Variants in CTNNA3 observed in about 807,000 individuals in gnomAD.
The protein encoded by CTNNA3 is catenin alpha 3.
A neutral mutation model predicts 95.7 loss-of-function variants in CTNNA3; 76 were observed. That is an observed-to-expected ratio of 0.79 (90% CI 0.66 to 0.96). The LOEUF (loss-of-function observed/expected upper bound fraction) is 0.96. CTNNA3 is among the 40% of genes least tolerant of loss of function. The pLI is 0.00. For missense variants in CTNNA3, 1,191 were observed against 1,089.8 expected (o/e 1.09, Z -1.31); for synonymous variants, 431 against 374.4 (o/e 1.15, Z -1.74).
intron 5 of CTNNA3, among the ~76,000 whole-genome samples, chr10:67,267,346 T>C (rs1866872057): frequency 6.6e-6 from 1 of 152,184 alleles, no homozygotes; most frequent in Non-Finnish European, 1.5e-5. Flanking sequence ...GTAAAAGCGA[T>C]ATGAAAATTA....
intron 3 of CTNNA3, among the ~76,000 whole-genome samples, chr10:67,568,921 A>G (rs1168632032): frequency 6.6e-6 from 1 of 152,108 alleles, no homozygotes; most frequent in African/African-American, 2.4e-5. Context: ...TAACTTAACA[A>G]TGTCCTTAGA....
At chr10:66,266,111 G>GGAAGGAAGGAAA (rs1156861705) in intron 13 of CTNNA3, among the ~76,000 whole-genome samples, 2 of 146,632 alleles carry the variant, frequency 1.4e-5, no homozygotes, top group Admixed American at 6.8e-5. Context: ...GAGGGAGGAA[G>GGAAGGAAGGAAA]GAAGGAAGGA....
chr10:67,294,968 G>C (rs1292818526), intron 5 of CTNNA3, among the ~76,000 whole-genome samples: 2 of 152,004 alleles, frequency 1.3e-5, no homozygotes, highest in Non-Finnish European at 2.9e-5. Context: ...TAGCAGTATT[G>C]GTAAAAAGTG....
intron 12 of CTNNA3, among the ~76,000 whole-genome samples, chr10:66,311,948 T>A (rs554494255): frequency 1.3e-5 from 2 of 152,280 alleles, no homozygotes; most frequent in East Asian, 3.9e-4. Context: ...GCTACTTGAA[T>A]AATAGAAGGT....
chr10:66,853,601 G>GA (rs1157834272), intron 7 of CTNNA3, among the ~76,000 whole-genome samples: 2 of 152,154 alleles, frequency 1.3e-5, no homozygotes, highest in East Asian at 3.9e-4. Flanking sequence ...CCGTTGGTCA[G>GA]AAAAAACTCA....
chr10:67,105,709 A>C (rs536028333), intron 7 of CTNNA3, among the ~76,000 whole-genome samples: 65 of 152,304 alleles, frequency 4.3e-4, no homozygotes, highest in African/African-American at 1.5e-3. Flanking sequence ...TATGATTTTT[A>C]AAGTCCTCTC....
chr10:66,996,329 T>C (rs1851336126), intron 7 of CTNNA3, among the ~76,000 whole-genome samples: 3 of 152,120 alleles, frequency 2.0e-5, no homozygotes, highest in Non-Finnish European at 4.4e-5. Context: ...CATTAATATA[T>C]CTCAAAGATA....
In CTNNA3 at chr10:67,064,280, G is replaced by A. The variant is rs1054784699; in HGVS notation, c.1047+116037C>T. ...TTACTGAGTCTGCTGTGTGTCTGAAGCTACACTATGTATTAGCATTCTTGT... is the reference window on the plus strand; with the variant it reads ...TTACTGAGTCTGCTGTGTGTCTGAAACTACACTATGTATTAGCATTCTTGT... On this transcript the variant is annotated intron_variant, in intron 7 of 17. Transcript: ENST00000433211. Among the ~76,000 whole-genome samples, 14 of 152,148 alleles carry A rather than the reference G, an allele frequency of 9.2e-5. No homozygotes were observed. The South Asian group carries it at 2.9e-3, about 32-fold the overall frequency.
intron 15 of CTNNA3, among the ~76,000 whole-genome samples, chr10:66,049,039 C>T (rs1177358302): frequency 6.6e-6 from 1 of 152,090 alleles, no homozygotes; most frequent in Non-Finnish European, 1.5e-5. Context: ...GCAAACTATA[C>T]ATCTGACAAA....
intron 9 of CTNNA3, among the ~76,000 whole-genome samples, chr10:66,754,588 ATG>A: frequency 6.6e-6 from 1 of 152,176 alleles, no homozygotes; most frequent in East Asian, 1.9e-4. Context: ...AACCCACAGC[ATG>A]GAAGAAAAAT....
At chr10:67,209,141 T>A (rs1464224097) in intron 6 of CTNNA3, among the ~76,000 whole-genome samples, 1 of 152,126 alleles carries the variant, frequency 6.6e-6, no homozygotes, top group Non-Finnish European at 1.5e-5. Context: ...CTCTGCCTCC[T>A]GAGTTCCAGA....
At chr10:67,718,133 T>G (rs1307815460) in intron 1 of CTNNA3, among the ~76,000 whole-genome samples, 1 of 152,226 alleles carries the variant, frequency 6.6e-6, no homozygotes, top group African/African-American at 2.4e-5. Flanking sequence ...TATTGGTGTA[T>G]AGAAATGCTT....
chr10:66,070,509 A>C (rs1369822913), intron 14 of CTNNA3, among the ~76,000 whole-genome samples: 1 of 152,172 alleles, frequency 6.6e-6, no homozygotes, highest in Non-Finnish European at 1.5e-5. Context: ...TTCTCTTTAC[A>C]TTCTGTATCT....
intron 13 of CTNNA3, among the ~76,000 whole-genome samples, chr10:66,264,824 G>A (rs1355860043): frequency 6.6e-6 from 1 of 151,862 alleles, no homozygotes; most frequent in Non-Finnish European, 1.5e-5. Flanking sequence ...CTATGGATTG[G>A]TGAGAACTGA....
intron 10 of CTNNA3, among the ~76,000 whole-genome samples, chr10:66,572,618 A>T (rs1211798664): frequency 6.6e-6 from 1 of 152,112 alleles, no homozygotes; most frequent in Non-Finnish European, 1.5e-5. Flanking sequence ...TGAGTGAGAA[A>T]TTCTAAGTTT....
intron 9 of CTNNA3, among the ~76,000 whole-genome samples, chr10:66,682,531 AC>A (rs1173016611): frequency 4.6e-5 from 7 of 152,066 alleles, no homozygotes; most frequent in Non-Finnish European, 7.4e-5. Flanking sequence ...TGGTACACAA[AC>A]AACAAATCAA....
intron 13 of CTNNA3, among the ~76,000 whole-genome samples, chr10:66,268,275 C>CTT (rs1007300719): frequency 3.9e-5 from 6 of 152,100 alleles, no homozygotes; most frequent in African/African-American, 1.4e-4. Context: ...ATCCGGGAGG[C>CTT]TTTTAACTTG....
Position 66,153,785 on chromosome 10 carries a change from C to T in CTNNA3, c.1885-50536G>A, listed in dbSNP as rs78884197. ...CTAAAAAATGAAAACGTATCCTATGCTGGTCCTGTCTTCCAAGTTTTGTAT... is the reference window on the plus strand; with the variant it reads ...CTAAAAAATGAAAACGTATCCTATGTTGGTCCTGTCTTCCAAGTTTTGTAT... On this transcript the variant is annotated intron_variant, in intron 13 of 17. Transcript: ENST00000433211. 8.4e-3 allele frequency among the ~76,000 whole-genome samples: 1,270 copies of T among 151,800 alleles called. 29 individuals are homozygous for T. Among genetic ancestry groups the T allele is most frequent in the African/African-American group, 0.029 (1,182 of 41,432 alleles).
rs926810292 is a variant in CTNNA3 at position 67,568,992 on chromosome 10, G to A, written c.293-29323C>T. On this transcript the variant is annotated intron_variant, in intron 3 of 17. Coordinates refer to ENST00000433211, the MANE Select transcript of CTNNA3 (RefSeq NM_013266.4). ...CTTGGTATAGCATGCTTCAGGAGAC[G>A]CAGTTCGTTCTTCATTTGAAAGAGA... 2.9e-4 allele frequency among the ~76,000 whole-genome samples: 44 copies of A among 152,110 alleles called. 1 individual carries two copies. The highest frequency in any genetic ancestry group is 9.4e-4 in the African/African-American group (39 of 41,436).
Sources: allele counts gnomAD v4.1 joint callset (sites outside exome capture counted in the v4.1 genomes callset), GRCh38; gene constraint gnomAD v4.1.1; transcripts MANE v1.5; gene names NCBI Gene and HGNC (gene_info 2026-07-23, HGNC 2026-07-21).